TMEM132B: variants seen among roughly 807,000 people sequenced by gnomAD.
The protein encoded by TMEM132B is transmembrane protein 132B.
TMEM132B carries 18 observed loss-of-function variants against 90.8 expected under a neutral mutation model. The ratio of observed to expected loss-of-function variants is 0.20; its 90% CI spans 0.14 to 0.29. TMEM132B has a LOEUF of 0.29. TMEM132B is among the 10% of genes least tolerant of loss of function. TMEM132B has a pLI of 1.00. For missense variants in TMEM132B, 1,096 were observed against 1,326.8 expected (o/e 0.83, Z 2.70); for synonymous variants, 504 against 523.3 (o/e 0.96, Z 0.50).
At position 125,186,859 on chromosome 12, in the gene TMEM132B, G is replaced by C. The variant is rs1175090653; in HGVS notation, c.60G>C (p.Gln20His). ...TCCTGCTGGCGCTGACTGCGCTCCA[G>C]TGCCCAGGTAACGCGTCCCCGGACC... ...LGLLLALTAL[Q>H]CPVTESRGIV... The change falls in exon 1 of 9, where the codon CAG becomes CAC. Residue 20 changes from glutamine (Q) to histidine (H), a missense_variant. Coordinates refer to ENST00000682704, the MANE Select transcript of TMEM132B (RefSeq NM_001366854.1). The surrounding 1 kb of genome is among the most constrained non-coding windows in gnomAD (Gnocchi z 6.3). 1.3e-5 allele frequency: 2 copies of C among 152,070 alleles called. No homozygotes were observed. Among genetic ancestry groups the C allele is most frequent in the Non-Finnish European group, 2.9e-5 (2 of 68,028 alleles). The allele number at this position is 152,070 out of a possible 1,614,324, so 9.4% of individuals were successfully genotyped here. A position where few individuals can be genotyped will look rare whatever the true frequency, so the allele number is the denominator to read the frequency against.
At chr12:125,330,878 CA>C (rs1057196730) in intron 1 of TMEM132B, among the ~76,000 whole-genome samples, 2 of 152,192 alleles carry the variant, frequency 1.3e-5, no homozygotes, top group African/African-American at 4.8e-5. Context: ...CTCATCTCCA[CA>C]AAAAATAAAA....
intron 2 of TMEM132B, among the ~76,000 whole-genome samples, chr12:125,361,926 T>C (rs375209306): frequency 1.3e-5 from 2 of 152,210 alleles, no homozygotes; most frequent in Non-Finnish European, 2.9e-5. Context: ...CTTTGGAAAA[T>C]TGGAGTATAC....
At chr12:125,481,303 A>C (rs192888591) in intron 3 of TMEM132B, among the ~76,000 whole-genome samples, 14 of 152,344 alleles carry the variant, frequency 9.2e-5, no homozygotes, top group African/African-American at 2.9e-4. Flanking sequence ...TTAGGAAAAG[A>C]GGAAGTCAAA....
chr12:125,347,718 T>C (rs985875210), intron 1 of TMEM132B, among the ~76,000 whole-genome samples: 41 of 152,334 alleles, frequency 2.7e-4, no homozygotes, highest in African/African-American at 9.9e-4. Flanking sequence ...AGGTTCATTT[T>C]AGGGCAAAAG....
At chr12:125,200,130 C>T (rs115058731) in intron 1 of TMEM132B, among the ~76,000 whole-genome samples, 52 of 152,186 alleles carry the variant, frequency 3.4e-4, no homozygotes, top group African/African-American at 8.2e-4. Flanking sequence ...TAATAGAGTT[C>T]GTGTGTGTGT....
intron 1 of TMEM132B, among the ~76,000 whole-genome samples, chr12:125,233,080 G>A (rs772791521): frequency 6.6e-6 from 1 of 152,092 alleles, no homozygotes; most frequent in Admixed American, 6.5e-5. Flanking sequence ...TGTTTCCCTA[G>A]GTAGGTCAGT....
intron 1 of TMEM132B, among the ~76,000 whole-genome samples, chr12:125,302,523 T>C (rs1875857577): frequency 6.6e-6 from 1 of 152,156 alleles, no homozygotes. Flanking sequence ...TGGAAAGGGA[T>C]AGCCAGTACA....
intron 4 of TMEM132B, among the ~76,000 whole-genome samples, chr12:125,529,255 T>C (rs1262511730): frequency 1.3e-5 from 2 of 152,008 alleles, no homozygotes; most frequent in Middle Eastern, 3.2e-3. Flanking sequence ...GTTAAGTTTT[T>C]ACTTTTTACT....
chr12:125,603,947 T>C (rs12304836), intron 5 of TMEM132B, among the ~76,000 whole-genome samples: 21,473 of 150,636 alleles, frequency 0.14, 1,665 homozygotes, highest in Non-Finnish European at 0.16. Context: ...CAAGAAACAA[T>C]GGAGACTGGC....
In TMEM132B at chr12:125,492,535, G is replaced by A. The variant is rs1476091177; in HGVS notation, c.1107-26904G>A. The stretch of plus-strand genomic sequence containing the variant: ...CGGCCTCCCCTGGTGTTCCCAGCCA[G>A]CTTCCTGCACAGGGCGGACAGGAGC... On this transcript the variant is annotated intron_variant, in intron 3 of 8. Transcript: ENST00000682704. This position sits in a 1 kb window ranked among gnomAD's most constrained non-coding sequence, Gnocchi z 5.8. 1.3e-5 allele frequency among the ~76,000 whole-genome samples: 2 copies of A among 152,170 alleles called. No individual in the cohort carries two copies. The highest frequency in any genetic ancestry group is 2.9e-5 in the Non-Finnish European group (2 of 68,018).
chr12:125,405,993 T>G (rs538607175), intron 2 of TMEM132B, among the ~76,000 whole-genome samples: 30 of 152,342 alleles, frequency 2.0e-4, no homozygotes, highest in African/African-American at 7.0e-4. Context: ...CTTCAGATGG[T>G]TGTGAATTCA....
chr12:125,600,148 G>A (rs1353856428), intron 5 of TMEM132B, among the ~76,000 whole-genome samples: 1 of 152,192 alleles, frequency 6.6e-6, no homozygotes, highest in Non-Finnish European at 1.5e-5. Flanking sequence ...AACAGTGTGA[G>A]GGATGAATTG....
At chr12:125,540,357 C>T (rs928787949) in intron 4 of TMEM132B, among the ~76,000 whole-genome samples, 1 of 152,090 alleles carries the variant, frequency 6.6e-6, no homozygotes, top group Non-Finnish European at 1.5e-5. Context: ...TCTGCTAAGT[C>T]CTTGCTGATT....
At chr12:125,395,253 T>C (rs1285932727) in intron 2 of TMEM132B, among the ~76,000 whole-genome samples, 1 of 152,202 alleles carries the variant, frequency 6.6e-6, no homozygotes, top group Non-Finnish European at 1.5e-5. Context: ...GCTGACACAA[T>C]GCTTTAAATT....
intron 2 of TMEM132B, among the ~76,000 whole-genome samples, chr12:125,355,135 A>T (rs1877725649): frequency 6.6e-6 from 1 of 151,982 alleles, no homozygotes; most frequent in Non-Finnish European, 1.5e-5. Flanking sequence ...GTCAGCATTT[A>T]GATTACTTAT....
intron 4 of TMEM132B, among the ~76,000 whole-genome samples, chr12:125,556,217 C>A (rs1353702681): frequency 6.6e-6 from 1 of 152,150 alleles, no homozygotes; most frequent in Non-Finnish European, 1.5e-5. Flanking sequence ...TCTTTTGTTG[C>A]ATTTCACAGG....
chr12:125,336,632 A>G (rs1011495511), intron 1 of TMEM132B, among the ~76,000 whole-genome samples: 1 of 152,232 alleles, frequency 6.6e-6, no homozygotes, highest in Admixed American at 6.5e-5. Flanking sequence ...ACCACCTGTG[A>G]CATTCCTATA....
At chr12:125,305,444 G>T (rs142996079) in intron 1 of TMEM132B, among the ~76,000 whole-genome samples, 28 of 152,148 alleles carry the variant, frequency 1.8e-4, no homozygotes, top group South Asian at 1.2e-3. Flanking sequence ...CCAGGGTAGG[G>T]GGGGGAAGGC....
chr12:125,238,962 C>G (rs1336160656), intron 1 of TMEM132B, among the ~76,000 whole-genome samples: 1 of 152,014 alleles, frequency 6.6e-6, no homozygotes, highest in African/African-American at 2.4e-5. Flanking sequence ...AAGATGTCCT[C>G]AAAAGATTTA....
Sources: allele counts gnomAD v4.1 joint callset (sites outside exome capture counted in the v4.1 genomes callset), GRCh38; gene constraint gnomAD v4.1.1; non-coding constraint Gnocchi (gnomAD v3.1); transcripts MANE v1.5; gene names NCBI Gene and HGNC (gene_info 2026-07-23, HGNC 2026-07-21).